The following TSG101 variants were observed in gnomAD, a reference collection of about 807,000 sequenced individuals.
TSG101 encodes the protein tumor susceptibility 101, also known as tumor susceptibility gene 101 protein.
In TSG101, 19 loss-of-function variants were observed where a neutral mutation model predicts 48.5. The ratio of observed to expected loss-of-function variants is 0.39; its 90% confidence interval spans 0.27 to 0.58. TSG101 has a LOEUF of 0.58. TSG101 is among the 20% of genes least tolerant of loss of function. The pLI is 0.55. For synonymous variants in TSG101, 174 were observed against 169.4 expected, an observed-to-expected ratio of 1.03 and a Z score of -0.21; for missense variants, 365 against 484.4, an observed-to-expected ratio of 0.75 and a Z score of 2.31.
chr11:18,514,163 T>C (rs11600246), intron 4 of TSG101, among the ~76,000 whole-genome samples: 30,090 of 152,100 alleles, frequency 0.2, 3,104 homozygotes, highest in East Asian at 0.26. Flanking sequence ...TGCTGTTTTC[T>C]TCTCTACAGA....
chr11:18,484,534 C>T (rs1443388827), intron 7 of TSG101, among the ~76,000 whole-genome samples: 1 of 152,200 alleles, frequency 6.6e-6, no homozygotes, highest in Admixed American at 6.5e-5. Context: ...TTTCCCTAAA[C>T]GAATGTACAG....
chr11:18,492,752 T>G (rs1270505071), intron 7 of TSG101, among the ~76,000 whole-genome samples: 1 of 141,182 alleles, frequency 7.1e-6, no homozygotes, highest in Non-Finnish European at 1.5e-5. Context: ...CTTTAAAAAA[T>G]CGAACTACTT....
At chr11:18,500,715 T>C (rs563931231) in intron 7 of TSG101, among the ~76,000 whole-genome samples, 1 of 152,322 alleles carries the variant, frequency 6.6e-6, no homozygotes, top group Admixed American at 6.5e-5. Context: ...TGTATATTTA[T>C]TAGTTCCTTG....
At chr11:18,480,665 A>G (rs1166557554) in intron 9 of TSG101, 30 bp from the exon 10 acceptor site, 2 of 1,600,976 alleles carry the variant, frequency 1.2e-6, no homozygotes, top group South Asian at 2.2e-5. Flanking sequence ...TGAATAGTTT[A>G]GAATGGCTTT....
chr11:18,505,260 CTT>C (rs79752716), intron 6 of TSG101, among the ~76,000 whole-genome samples: 20 of 144,458 alleles, frequency 1.4e-4, no homozygotes, highest in South Asian at 4.4e-4. Flanking sequence ...ATATGCCAAT[CTT>C]TTTTTTTTTT....
At chr11:18,488,191 G>A (rs1849647779) in intron 7 of TSG101, among the ~76,000 whole-genome samples, 1 of 152,140 alleles carries the variant, frequency 6.6e-6, no homozygotes, top group African/African-American at 2.4e-5. Context: ...CATTTTCAAG[G>A]GCCAACTATT....
At chr11:18,494,708 G>A (rs1849749096) in intron 7 of TSG101, among the ~76,000 whole-genome samples, 1 of 152,208 alleles carries the variant, frequency 6.6e-6, no homozygotes, top group Non-Finnish European at 1.5e-5. Flanking sequence ...TGTGAAAGGT[G>A]TGGGGAAGAG....
At chr11:18,525,177 A>G (rs557594283) in intron 1 of TSG101, among the ~76,000 whole-genome samples, 118 of 152,226 alleles carry the variant, frequency 7.8e-4, no homozygotes, top group African/African-American at 2.8e-3. Flanking sequence ...CCAAAGTGCT[A>G]GGATTACAGG....
intron 7 of TSG101, among the ~76,000 whole-genome samples, chr11:18,497,893 A>G (rs918932708): frequency 1.3e-5 from 2 of 152,206 alleles, no homozygotes; most frequent in Admixed American, 1.3e-4. Context: ...AACGGTGGAA[A>G]TAACCCTTTA....
intron 7 of TSG101, among the ~76,000 whole-genome samples, chr11:18,484,787 T>C (rs528201368): frequency 2.6e-5 from 4 of 152,328 alleles, no homozygotes; most frequent in Admixed American, 6.5e-5. Flanking sequence ...CCCTTTCTAA[T>C]ATAAGTTTGG....
chr11:18,490,251 A>T, intron 7 of TSG101: 3 of 535,614 alleles, frequency 5.6e-6, no homozygotes, highest in Non-Finnish European at 7.4e-6. Flanking sequence ...CTCCCTCCCC[A>T]GCATCTCCTT....
intron 7 of TSG101, among the ~76,000 whole-genome samples, chr11:18,502,011 A>G (rs1458404847): frequency 1.3e-5 from 2 of 152,250 alleles, no homozygotes; most frequent in Admixed American, 6.5e-5. Context: ...GCTGGAGTCT[A>G]AAGAAATTCT....
chr11:18,488,822 A>G (rs1329945290), intron 7 of TSG101, among the ~76,000 whole-genome samples: 1 of 152,132 alleles, frequency 6.6e-6, no homozygotes, highest in Non-Finnish European at 1.5e-5. Context: ...ACCAAAGTCA[A>G]CAGTCAAAAA....
chr11:18,503,510 C>T (rs1428329122), intron 6 of TSG101, among the ~76,000 whole-genome samples: 1 of 151,660 alleles, frequency 6.6e-6, no homozygotes, highest in East Asian at 1.9e-4. Flanking sequence ...GTAGCTGGGA[C>T]TATAGGTGCC....
At chr11:18,491,290 A>C (rs1319585869) in intron 7 of TSG101, among the ~76,000 whole-genome samples, 1 of 151,106 alleles carries the variant, frequency 6.6e-6, no homozygotes, top group Non-Finnish European at 1.5e-5. Flanking sequence ...TAACAGTGTG[A>C]TTTATGGGGG....
rs1850143262 is a variant in TSG101 at position 18,514,787 on chromosome 11, T to G, written c.248A>C (p.Asn83Thr). ...AGGCTTAACAAAACAGATAGGGGGATTATATGGGTATGTGTCCAGTAGCCA... is the reference window on the plus strand; with the variant it reads ...AGGCTTAACAAAACAGATAGGGGGAGTATATGGGTATGTGTCCAGTAGCCA... ...CLWLLDTYPY[N>T]PPICFVKPTS... The change falls in exon 4 of 10, where the codon AAT (asparagine) becomes ACT (threonine). Residue 83 changes from asparagine (N) to threonine (T), a missense_variant. Asn to Thr is a moderately conservative substitution (Grantham distance 65, BLOSUM62 0). Transcript: ENST00000251968. 6.3e-7 allele frequency: 1 copy of G among 1,597,426 alleles called. No homozygotes were observed. Among genetic ancestry groups the G allele is most frequent in the Non-Finnish European group, 8.5e-7 (1 of 1,174,642 alleles).
At chr11:18,526,738 G>C (rs1241488979) in intron 1 of TSG101, 37 bp downstream of exon 1, 1 of 1,593,846 alleles carries the variant, frequency 6.3e-7, no homozygotes, top group Non-Finnish European at 8.5e-7. Flanking sequence ...AGGGAGCGGT[G>C]GGCGCGCCCT....
chr11:18,483,375 A>C (rs1168404818), intron 8 of TSG101, among the ~76,000 whole-genome samples: 1 of 151,934 alleles, frequency 6.6e-6, no homozygotes, highest in East Asian at 1.9e-4. Context: ...AGGCACCTGT[A>C]ATCCCAGCTA....
chr11:18,483,867 T>A lies in TSG101; in HGVS notation c.843+3A>T, dbSNP rs768999803. On this transcript the variant is annotated splice_donor_region_variant and intron_variant, in intron 8 of 9. Coordinates refer to ENST00000251968, the MANE Select transcript of TSG101 (RefSeq NM_006292.4). ...AATTTTAAGTCTTTAATGAGTCACT[T>A]ACTACTTCTTGATCTAAACGGGTAA... 3.7e-6 allele frequency: 6 copies of A among 1,614,020 alleles called. No individual in the cohort carries two copies. The Admixed American group carries it at 1.0e-4, about 27-fold the overall frequency.
Sources: gnomAD v4.1 joint callset for allele counts (sites outside exome capture counted in the v4.1 genomes callset) on GRCh38, gnomAD v4.1.1 for gene constraint, MANE v1.5 for transcripts, NCBI Gene and HGNC (gene_info 2026-07-23, HGNC 2026-07-21) for gene names.